Variants in PRKDC observed in about 807,000 individuals in gnomAD.
The protein encoded by PRKDC is protein kinase, DNA-activated, catalytic subunit.
Under a neutral mutation model 486.9 loss-of-function variants are expected in PRKDC, and 82 were observed. That is an observed-to-expected ratio of 0.17 (90% CI 0.14 to 0.20). PRKDC has a LOEUF of 0.20. Among genes scored for constraint, PRKDC ranks in the 10% least tolerant of loss-of-function variants. The pLI is 1.00. For missense variants in PRKDC, 4,504 were observed against 5,038.2 expected (o/e 0.89, Z 3.21); for synonymous variants, 1,895 against 1,837.0 (o/e 1.03, Z -0.81).
intron 30 of PRKDC, among the ~76,000 whole-genome samples, chr8:47,894,636 G>A (rs540765564): frequency 1.3e-5 from 2 of 152,144 alleles, no homozygotes; most frequent in Admixed American, 6.5e-5. Flanking sequence ...TTCAGAAGCC[G>A]CCAGGAGCTG....
At chr8:47,865,291 C>T (rs753609173) in intron 40 of PRKDC, among the ~76,000 whole-genome samples, 7 of 151,384 alleles carry the variant, frequency 4.6e-5, no homozygotes, top group Non-Finnish European at 1.0e-4. Flanking sequence ...GAGGCTGAGG[C>T]AGGAGAAACA....
In PRKDC at chr8:47,918,332, T is replaced by C. The variant is rs749887230; in HGVS notation, c.2471A>G (p.Lys824Arg). Reference protein sequence around the residue: ...EVSALSRAAQKGFNKVVLKHL... With the variant: ...EVSALSRAAQRGFNKVVLKHL... The stretch of plus-strand genomic sequence containing the variant: ...CTTTAACACCACTTTATTAAATCCT[T>C]TCTGGGCAGCCCGAGAAAGAGCTGA... The change falls in exon 22 of 86, where the codon AAA becomes AGA. Residue 824 changes from lysine (K) to arginine (R), a missense_variant. Physicochemically the swap from Lys to Arg is conservative, Grantham distance 26. Coordinates refer to ENST00000314191, the MANE Select transcript of PRKDC (RefSeq NM_006904.7). 1 of 1,597,398 alleles carries C rather than the reference T, an allele frequency of 6.3e-7. No homozygotes were observed. The highest frequency in any genetic ancestry group is 2.2e-5 in the East Asian group (1 of 44,620).
intron 25 of PRKDC, among the ~76,000 whole-genome samples, chr8:47,909,102 C>A (rs1275870304): frequency 6.6e-6 from 1 of 152,188 alleles, no homozygotes; most frequent in Non-Finnish European, 1.5e-5. Context: ...AGTGTCTGGT[C>A]ACCCTGGCCC....
intron 52 of PRKDC, 103 bp downstream of exon 52, chr8:47,852,570 T>C: frequency 1.6e-6 from 1 of 633,312 alleles, no homozygotes; most frequent in Non-Finnish European, 2.5e-6. Flanking sequence ...GATGCCCATT[T>C]TGTTTCTAAT....
Position 47,778,616 on chromosome 8 carries a change from G to T in PRKDC, c.11696C>A (p.Ala3899Glu), listed in dbSNP as rs371310347. 3 of 1,613,680 alleles carry T rather than the reference G, an allele frequency of 1.9e-6. No homozygotes were observed. Among genetic ancestry groups the T allele is most frequent in the Non-Finnish European group, 2.5e-6 (3 of 1,179,758 alleles). The change falls in exon 83 of 86, where the codon GCG becomes GAG. Residue 3899 changes from alanine (A) to glutamate (E), a missense_variant. Around this residue, in one of 6 missense-constraint regions of PRKDC, gnomAD observed 706 missense variants for 945.0 expected, o/e 0.75. Transcript: ENST00000314191. ...RMSTSPEAFL[A>E]LRSHFASSHA... ...AGAGCTGGCGAAGTGGGAGCGGAGC[G>T]CCAGGAAAGCCTCAGGGCTTGTACT...
At position 47,906,581 on chromosome 8, in the gene PRKDC, C is replaced by T. The variant is rs528002252; in HGVS notation, c.2935-1605G>A. Among the ~76,000 whole-genome samples, 18 of 149,812 alleles carry T rather than the reference C, an allele frequency of 1.2e-4. No homozygotes were observed. The South Asian group carries it at 3.2e-3, about 26-fold the overall frequency. The stretch of plus-strand genomic sequence containing the variant: ...CTGGGAGGTGGAGGTTGCAGTGAGC[C>T]GAGATCGTCCCACTGCACTCCAGAC... On this transcript the variant is annotated intron_variant, in intron 25 of 85. Coordinates refer to ENST00000314191, the MANE Select transcript of PRKDC (RefSeq NM_006904.7).
At chr8:47,783,855 C>G in intron 77 of PRKDC, 46 bp from the exon 78 acceptor site, 6 of 1,573,504 alleles carry the variant, frequency 3.8e-6, no homozygotes, top group Non-Finnish European at 5.2e-6. Flanking sequence ...GTTAGACAAC[C>G]GCCTGTATTT....
chr8:47,860,872 T>A (rs1356967595), intron 45 of PRKDC, 27 bp downstream of exon 45: 1 of 1,561,062 alleles, frequency 6.4e-7, no homozygotes, highest in Non-Finnish European at 8.8e-7. Context: ...ATTTGAATCC[T>A]TTCTCATGAT....
rs771573830 is a variant in PRKDC at position 47,857,141 on chromosome 8, T to C, written c.6609+15A>G. 5.0e-6 allele frequency: 8 copies of C among 1,610,058 alleles called. No individual in the cohort carries two copies. In the South Asian group the frequency reaches 8.9e-5, roughly 18 times the overall value. ...AAGGATAATATATTAACATAAAAGA[T>C]GCATCAATCCTTACTGTTGGAGTGG... On this transcript the variant is annotated intron_variant, in intron 49 of 85. Transcript: ENST00000314191.
intron 74 of PRKDC, among the ~76,000 whole-genome samples, chr8:47,793,585 C>T (rs899507764): frequency 1.4e-5 from 2 of 146,184 alleles, no homozygotes; most frequent in Non-Finnish European, 3.0e-5. Flanking sequence ...AGGTTGCAGC[C>T]GAGATTGCAC....
chr8:47,851,045 A>G (rs1400320108), intron 52 of PRKDC, among the ~76,000 whole-genome samples: 1 of 152,158 alleles, frequency 6.6e-6, no homozygotes, highest in East Asian at 1.9e-4. Context: ...CCTGACCTCA[A>G]GTGATCTGCC....
chr8:47,950,294 A>C (rs1037451204), intron 7 of PRKDC, among the ~76,000 whole-genome samples: 4 of 150,188 alleles, frequency 2.7e-5, no homozygotes, highest in Admixed American at 2.0e-4. Flanking sequence ...AAAAAGTGAT[A>C]AGGAAGAGCA....
chr8:47,931,521 T>G (rs1015098565), intron 16 of PRKDC, among the ~76,000 whole-genome samples: 1 of 152,034 alleles, frequency 6.6e-6, no homozygotes, highest in Non-Finnish European at 1.5e-5. Flanking sequence ...AATAAAATTA[T>G]TTTAGACATT....
Position 47,823,970 on chromosome 8 carries a change from T to G in PRKDC, c.8810A>C (p.Asp2937Ala), listed in dbSNP as rs746938601. 1 of 1,613,308 alleles carries G rather than the reference T, an allele frequency of 6.2e-7. No individual in the cohort carries two copies. The change falls in exon 64 of 86, where the codon GAC becomes GCC. Residue 2937 changes from aspartate (D) to alanine (A), a missense_variant. Transcript: ENST00000314191. ...AKLYRSIGEY[D>A]VLRGIFTSEI... Reference sequence around the variant, plus strand: ...ACTGGTAAAAATCCCACGGAGGACGTCGTATTCTCCAATTGATCTATACAG... The same window carrying G: ...ACTGGTAAAAATCCCACGGAGGACGGCGTATTCTCCAATTGATCTATACAG...
In PRKDC at chr8:47,817,487, C is replaced by T. The variant is rs2087472597; in HGVS notation, c.9520G>A (p.Asp3174Asn). 6.2e-7 allele frequency: 1 copy of T among 1,607,416 alleles called. No individual in the cohort carries two copies. The highest frequency in any genetic ancestry group is 8.5e-7 in the Non-Finnish European group (1 of 1,176,548). The change falls in exon 68 of 86, where the codon GAC becomes AAC. Residue 3174 changes from aspartate (D) to asparagine (N), a missense_variant. Transcript: ENST00000314191. The part of the protein sequence containing the change: ...WTNRYPDAKM[D>N]PMNIWDDIIT... Reference sequence around the variant, plus strand: ...ATGTCATCCCAGATGTTCATTGGGTCCATTTTAGCATCTGGATATCTGTTT... The same window carrying T: ...ATGTCATCCCAGATGTTCATTGGGTTCATTTTAGCATCTGGATATCTGTTT...
intron 21 of PRKDC, among the ~76,000 whole-genome samples, chr8:47,922,526 G>C (rs1372556400): frequency 1.3e-5 from 2 of 151,344 alleles, no homozygotes; most frequent in Non-Finnish European, 2.9e-5. Flanking sequence ...GACTGGTCTC[G>C]AACTCCTGGC....
intron 40 of PRKDC, among the ~76,000 whole-genome samples, chr8:47,872,646 A>G (rs980623825): frequency 1.3e-5 from 2 of 152,234 alleles, no homozygotes; most frequent in Non-Finnish European, 2.9e-5. Context: ...CTGTACTTAC[A>G]TCAGACAAAA....
In PRKDC at chr8:47,826,838, G is replaced by C. The variant is rs758574039; in HGVS notation, c.8601C>G (p.Ala2867=). 1 of 1,591,546 alleles carries C rather than the reference G, an allele frequency of 6.3e-7. No individual in the cohort carries two copies. The change falls in exon 63 of 86, where the codon GCC becomes GCG. Residue 2867 remains alanine (A), a synonymous_variant. Coordinates refer to ENST00000314191, the MANE Select transcript of PRKDC (RefSeq NM_006904.7). ...CIQDISCQHA[A]LLSLDPAAVS... ...CAGCCGCTGGGTCGAGGCTCAGCAG[G>C]GCTGCGTGCTGACAGCTAATGTCCT...
rs897472861 is a variant in PRKDC, at chr8:47,939,795, A to T, written c.967-98T>A. The T allele has an allele frequency of 1.8e-5, 19 of 1,069,888 alleles. No homozygotes were observed. The African/African-American group carries it at 2.9e-4, about 16-fold the overall frequency. 66.3% of individuals were successfully genotyped at this position (1,069,888 alleles called of 1,614,324 possible). A position where few individuals can be genotyped will look rare whatever the true frequency, so the allele number is the denominator to read the frequency against. ...AGAACTGTTTAGATGCTACTAATGT[A>T]CTGTTATAGTTACACGCAATTGCTT... On this transcript the variant is annotated intron_variant, in intron 10 of 85. Coordinates refer to ENST00000314191, the MANE Select transcript of PRKDC (RefSeq NM_006904.7).
Sources: allele counts gnomAD v4.1 joint callset (sites outside exome capture counted in the v4.1 genomes callset), GRCh38; gene constraint gnomAD v4.1.1; regional missense constraint gnomAD v4.1.1; transcripts MANE v1.5; gene names NCBI Gene and HGNC (gene_info 2026-07-23, HGNC 2026-07-21).